Variants in SLC39A9 observed in about 807,000 individuals in gnomAD.
SLC39A9 encodes zinc transporter ZIP9.
Under a neutral mutation model 28.4 loss-of-function variants are expected in SLC39A9, and 14 were observed. That is an observed-to-expected ratio of 0.49 (90% confidence interval 0.33 to 0.77). SLC39A9 has a LOEUF of 0.77. Among genes scored for constraint, SLC39A9 ranks in the 30% least tolerant of loss-of-function variants. The pLI is 0.02. For missense variants in SLC39A9, 283 were observed against 381.1 expected (o/e 0.74, Z 2.14); for synonymous variants, 119 against 149.6 (o/e 0.80, Z 1.49).
At chr14:69,407,891 A>G (rs931899014) in intron 1 of SLC39A9, among the ~76,000 whole-genome samples, 1 of 151,966 alleles carries the variant, frequency 6.6e-6, no homozygotes, top group African/African-American at 2.4e-5. Context: ...CGGCCTCCCA[A>G]AGTGCTGGGA....
intron 2 of SLC39A9, among the ~76,000 whole-genome samples, chr14:69,430,765 G>C (rs2140282902): frequency 6.6e-6 from 1 of 151,888 alleles, no homozygotes; most frequent in South Asian, 2.1e-4. Context: ...CCAGCAGCTA[G>C]GACTACAGGT....
chr14:69,423,668 C>T (rs1430382862), intron 1 of SLC39A9, among the ~76,000 whole-genome samples: 6 of 151,936 alleles, frequency 3.9e-5, no homozygotes, highest in Admixed American at 2.0e-4. Context: ...GAGACCGAAG[C>T]GGGCGGATCA....
At chr14:69,445,428 T>C (rs1463674167) in intron 3 of SLC39A9, among the ~76,000 whole-genome samples, 1 of 152,224 alleles carries the variant, frequency 6.6e-6, no homozygotes. Flanking sequence ...AACATTTTCT[T>C]TTACCTAGCT....
chr14:69,457,895 C>G (rs1221862042), intron 6 of SLC39A9, among the ~76,000 whole-genome samples: 1 of 152,114 alleles, frequency 6.6e-6, no homozygotes, highest in East Asian at 1.9e-4. Flanking sequence ...GAGACCTCAT[C>G]TCTAAAGACA....
At chr14:69,442,931 A>C (rs1310233625) in intron 3 of SLC39A9, among the ~76,000 whole-genome samples, 2 of 152,202 alleles carry the variant, frequency 1.3e-5, no homozygotes, top group Non-Finnish European at 2.9e-5. Flanking sequence ...TGATTTACAA[A>C]GGTATTTTCT....
intron 1 of SLC39A9, among the ~76,000 whole-genome samples, chr14:69,414,377 A>G (rs187451022): frequency 6.6e-6 from 1 of 152,360 alleles, no homozygotes; most frequent in East Asian, 1.9e-4. Context: ...GGGTTGATCC[A>G]GAATTGTGAA....
chr14:69,422,897 A>G (rs1883976515), intron 1 of SLC39A9, among the ~76,000 whole-genome samples: 1 of 152,188 alleles, frequency 6.6e-6, no homozygotes. Flanking sequence ...ATTAGGGTAT[A>G]CTGCTGCTTC....
Position 69,461,069 on chromosome 14 carries a change from G to A in SLC39A9, c.*2476G>A. The A allele has an allele frequency of 2.0e-6, 2 of 985,684 alleles. No homozygotes were observed. The highest frequency in any genetic ancestry group is 2.4e-6 in the Non-Finnish European group (2 of 830,162). 61.1% of individuals were successfully genotyped at this position (985,684 alleles called of 1,614,324 possible). ...GTTTAAAACTGCCTCTTTAGATGTG[G>A]ATGCCTTAATGCTGTAACACATTTG... On this transcript the variant is annotated 3_prime_UTR_variant, in exon 7 of 7. Coordinates refer to ENST00000336643, the MANE Select transcript of SLC39A9 (RefSeq NM_018375.5).
chr14:69,452,461 C>T lies in SLC39A9; in HGVS notation c.404-780C>T, dbSNP rs1265250508. ...TCTCCTGCCTCAGCTCCCAAGTAGC[C>T]GAGATTACAGGCGCCCGCCACCATA... On this transcript the variant is annotated intron_variant, in intron 3 of 6. Coordinates refer to ENST00000336643, the MANE Select transcript of SLC39A9 (RefSeq NM_018375.5). Among the ~76,000 whole-genome samples, 4 of 151,794 alleles carry T rather than the reference C, an allele frequency of 2.6e-5. No homozygotes were observed. The East Asian group carries it at 5.8e-4, about 22-fold the overall frequency.
intron 1 of SLC39A9, among the ~76,000 whole-genome samples, chr14:69,413,563 C>T (rs554466405): frequency 2.0e-5 from 3 of 151,870 alleles, no homozygotes; most frequent in African/African-American, 7.2e-5. Context: ...ATGATGTGCT[C>T]ACTGTATTGT....
intron 5 of SLC39A9, 144 bp downstream of exon 5, chr14:69,455,041 C>G: frequency 1.6e-6 from 1 of 616,852 alleles, no homozygotes; most frequent in Non-Finnish European, 2.8e-6. Context: ...TAAATCTGTT[C>G]ATAGCTTCTT....
chr14:69,431,178 T>C (rs1884469454), intron 2 of SLC39A9, among the ~76,000 whole-genome samples: 1 of 152,238 alleles, frequency 6.6e-6, no homozygotes, highest in African/African-American at 2.4e-5. Context: ...AGCATACAGA[T>C]CTGCAGATAG....
At chr14:69,433,288 C>A (rs760392823) in intron 2 of SLC39A9, among the ~76,000 whole-genome samples, 53 of 152,224 alleles carry the variant, frequency 3.5e-4, no homozygotes, top group Middle Eastern at 3.4e-3. Context: ...ATATACCCAC[C>A]TCCTAGTTAT....
At chr14:69,407,539 T>C (rs1211788214) in intron 1 of SLC39A9, among the ~76,000 whole-genome samples, 3 of 151,824 alleles carry the variant, frequency 2.0e-5, no homozygotes, top group Admixed American at 2.0e-4. Context: ...GGTTTCTCCA[T>C]GTTGGTCTCA....
rs1316732018 is a variant in SLC39A9 at position 69,442,212 on chromosome 14, G to A, written c.349G>A (p.Val117Ile). 17 of 1,614,036 alleles carry A rather than the reference G, an allele frequency of 1.1e-5. No homozygotes were observed. Among genetic ancestry groups the A allele is most frequent in the Admixed American group, 6.7e-5 (4 of 59,998 alleles). The change falls in exon 3 of 7, where the codon GTT (valine) becomes ATT (isoleucine). Residue 117 changes from valine to isoleucine, a missense_variant. Coordinates refer to ENST00000336643, the MANE Select transcript of SLC39A9 (RefSeq NM_018375.5). ...TGGTGTTTCCCTCGTTCTGGGCTTC[G>A]TTTTCATGTTGCTGGTGGACCAGAT... ...YIGVSLVLGFVFMLLVDQIGN... is the reference protein window; with the variant it reads ...YIGVSLVLGFIFMLLVDQIGN...
intron 2 of SLC39A9, among the ~76,000 whole-genome samples, chr14:69,434,978 A>G (rs964480552): frequency 6.6e-5 from 10 of 152,214 alleles, no homozygotes; most frequent in Admixed American, 4.6e-4. Context: ...GAAAACTTAC[A>G]GATTTGTAAA....
intron 3 of SLC39A9, among the ~76,000 whole-genome samples, chr14:69,450,038 A>T (rs1885529530): frequency 6.6e-6 from 1 of 152,080 alleles, no homozygotes; most frequent in South Asian, 2.1e-4. Context: ...ATACAAAAAA[A>T]TTAGCTGGGC....
At chr14:69,418,320 T>G (rs1883685825) in intron 1 of SLC39A9, among the ~76,000 whole-genome samples, 1 of 152,186 alleles carries the variant, frequency 6.6e-6, no homozygotes, top group African/African-American at 2.4e-5. Context: ...GAAGTCAACT[T>G]GGTCTTGGTG....
At chr14:69,447,822 A>G (rs1379161377) in intron 3 of SLC39A9, among the ~76,000 whole-genome samples, 1 of 150,706 alleles carries the variant, frequency 6.6e-6, no homozygotes, top group Non-Finnish European at 1.5e-5. Flanking sequence ...CTGAGGTGGG[A>G]GGGTAGCTTG....
Sources: gnomAD v4.1 joint callset for allele counts (sites outside exome capture counted in the v4.1 genomes callset) on GRCh38, gnomAD v4.1.1 for gene constraint, MANE v1.5 for transcripts, NCBI Gene and HGNC (gene_info 2026-07-23, HGNC 2026-07-21) for gene names.